COL26A1: variants seen among roughly 807,000 people sequenced by gnomAD.
The protein encoded by COL26A1 is collagen alpha-1(XXVI) chain.
In COL26A1, 41 loss-of-function variants were observed where a neutral mutation model predicts 59.3. That is an observed-to-expected ratio of 0.69 (90% CI 0.54 to 0.90). The LOEUF is 0.90. Among genes scored for constraint, COL26A1 ranks in the 40% least tolerant of loss-of-function variants. COL26A1 has a pLI of 0.00. For missense variants in COL26A1, 612 were observed against 602.3 expected (o/e 1.02, Z -0.17); for synonymous variants, 266 against 256.0 (o/e 1.04, Z -0.37).
At chr7:101,389,021 C>A (rs1791661441) in intron 1 of COL26A1, 1 of 292,590 alleles carries the variant, frequency 3.4e-6, no homozygotes, top group Non-Finnish European at 6.6e-6. Context: ...GCTTTTTAGC[C>A]TTGAGGTGAC....
intron 3 of COL26A1, among the ~76,000 whole-genome samples, chr7:101,452,751 A>ATAT (rs1266029398): frequency 3.3e-5 from 5 of 151,874 alleles, no homozygotes; most frequent in Admixed American, 3.3e-4. Flanking sequence ...CAGTACAAAT[A>ATAT]TATTATTATT....
intron 3 of COL26A1, among the ~76,000 whole-genome samples, chr7:101,495,211 T>A (rs1270015732): frequency 6.6e-6 from 1 of 152,122 alleles, no homozygotes; most frequent in Non-Finnish European, 1.5e-5. Flanking sequence ...GGGCTAGAGC[T>A]TTATCTGCCT....
intron 3 of COL26A1, among the ~76,000 whole-genome samples, chr7:101,529,092 G>A (rs536019316): frequency 3.0e-4 from 45 of 151,850 alleles, no homozygotes; most frequent in African/African-American, 9.6e-4. Flanking sequence ...CTTGAACCCC[G>A]GTGGCAAAGG....
intron 9 of COL26A1, among the ~76,000 whole-genome samples, 185 bp downstream of exon 9, chr7:101,549,408 GTC>G (rs1795814106): frequency 1.3e-5 from 2 of 152,082 alleles, no homozygotes; most frequent in Admixed American, 6.6e-5. Flanking sequence ...TTGAGATGGA[GTC>G]TCTCTCTGTC....
At chr7:101,366,468 C>T (rs6963224) in intron 1 of COL26A1, among the ~76,000 whole-genome samples, 21,592 of 115,254 alleles carry the variant, frequency 0.19, 2,031 homozygotes, top group South Asian at 0.25. Flanking sequence ...TCCTTGTTAA[C>T]GTCTGATTTT....
At chr7:101,489,909 T>G (rs1183573952) in intron 3 of COL26A1, among the ~76,000 whole-genome samples, 5 of 102,668 alleles carry the variant, frequency 4.9e-5, no homozygotes, top group Non-Finnish European at 7.5e-5. Flanking sequence ...TTTCTTTCTT[T>G]CTTTCTTTCT....
intron 3 of COL26A1, among the ~76,000 whole-genome samples, chr7:101,489,662 T>TTTCTTTCTG (rs1794353126): frequency 1.9e-5 from 1 of 53,718 alleles, no homozygotes; most frequent in Non-Finnish European, 3.4e-5. Flanking sequence ...TCTTTCTTTC[T>TTTCTTTCTG]TCCTTCCTTC....
intron 1 of COL26A1, among the ~76,000 whole-genome samples, chr7:101,388,206 C>T: frequency 6.6e-6 from 1 of 151,952 alleles, no homozygotes; most frequent in East Asian, 2.0e-4. Flanking sequence ...GGCGCCGTGG[C>T]TCACGCCTGT....
intron 3 of COL26A1, among the ~76,000 whole-genome samples, chr7:101,509,089 T>TGCGTCGCATAGCAAAAGAGGGAGCC (rs1794869489): frequency 6.6e-6 from 1 of 152,036 alleles, no homozygotes; most frequent in Non-Finnish European, 1.5e-5. Context: ...AAGGGGGAGC[T>TGCGTCGCATAGCAAAAGAGGGAGCC]GATGCGTCGC....
chr7:101,428,764 T>A (rs1352387490), intron 2 of COL26A1, among the ~76,000 whole-genome samples: 1 of 151,852 alleles, frequency 6.6e-6, no homozygotes, highest in Non-Finnish European at 1.5e-5. Flanking sequence ...TCGCTCGGCC[T>A]CTCAAAGTGT....
intron 10 of COL26A1, 65 bp from the exon 11 acceptor site, chr7:101,553,261 C>A (rs542030248): frequency 2.9e-5 from 43 of 1,473,858 alleles, no homozygotes; most frequent in South Asian, 4.7e-5. Flanking sequence ...CCCCAGGGAA[C>A]TGGAGAGGGT....
At chr7:101,523,065 G>T (rs977905943) in intron 3 of COL26A1, among the ~76,000 whole-genome samples, 7 of 150,816 alleles carry the variant, frequency 4.6e-5, no homozygotes, top group South Asian at 4.2e-4. Context: ...TTGATGAAAA[G>T]AAATTCTTTT....
At chr7:101,475,868 CTTTCTT>C (rs1794028635) in intron 3 of COL26A1, among the ~76,000 whole-genome samples, 1 of 83,534 alleles carries the variant, frequency 1.2e-5, no homozygotes, top group African/African-American at 3.5e-5. Flanking sequence ...TTTTCTCTCT[CTTTCTT>C]TCTCTTTCTC....
chr7:101,414,141 C>T (rs1003915882), intron 1 of COL26A1, among the ~76,000 whole-genome samples: 1 of 152,094 alleles, frequency 6.6e-6, no homozygotes, highest in Non-Finnish European at 1.5e-5. Context: ...TCTCTGCCTC[C>T]CTTCTTCGTT....
chr7:101,381,546 G>A (rs563494536), intron 1 of COL26A1, among the ~76,000 whole-genome samples: 1 of 152,272 alleles, frequency 6.6e-6, no homozygotes, highest in South Asian at 2.1e-4. Context: ...CAAAAGCCAG[G>A]GGCTGGTATC....
At position 101,416,936 on chromosome 7, in the gene COL26A1, T is replaced by C. The variant is rs548567902; in HGVS notation, c.159-3041T>C. Among the ~76,000 whole-genome samples the C allele has an allele frequency of 3.8e-5, 4 of 106,138 alleles. No homozygotes were observed. In the East Asian group the frequency reaches 7.8e-4, roughly 21 times the overall value. The allele number at this position is 106,138 out of a possible 152,430, so 69.6% of individuals were successfully genotyped here. ...TTTGTATATTTTTGTAGATACAGTG[T>C]TTCACCATGTTGCCCAGGCTGGTCT... On this transcript the variant is annotated intron_variant, in intron 1 of 12. Coordinates refer to ENST00000313669, the MANE Select transcript of COL26A1 (RefSeq NM_001278563.3).
At chr7:101,456,172 T>A (rs1010200089) in intron 3 of COL26A1, among the ~76,000 whole-genome samples, 49 of 67,732 alleles carry the variant, frequency 7.2e-4, no homozygotes, top group African/African-American at 2.9e-3. Flanking sequence ...ATATATATTT[T>A]TTTTTTAATG....
At chr7:101,420,159 G>A (rs1363171181) in intron 2 of COL26A1, 60 bp downstream of exon 2, 2 of 1,593,906 alleles carry the variant, frequency 1.3e-6, no homozygotes, top group Non-Finnish European at 1.7e-6. Flanking sequence ...GACAAAACCA[G>A]TCCCAGGATG....
chr7:101,457,218 G>T (rs929008443), intron 3 of COL26A1, among the ~76,000 whole-genome samples: 1 of 152,036 alleles, frequency 6.6e-6, no homozygotes. Context: ...TCATGAGTCC[G>T]GGTGGGGTCA....
Sources: allele counts gnomAD v4.1 joint callset (sites outside exome capture counted in the v4.1 genomes callset), GRCh38; gene constraint gnomAD v4.1.1; transcripts MANE v1.5; gene names NCBI Gene and HGNC (gene_info 2026-07-23, HGNC 2026-07-21).